Variants in CHD6 observed in about 807,000 individuals in gnomAD.
The protein encoded by CHD6 is ATP-dependent chromatin remodeler CHD6.
A neutral mutation model predicts 276.9 loss-of-function variants in CHD6; 50 were observed. The observed-to-expected ratio is 0.18, with a 90% CI of 0.14 to 0.23. The LOEUF is 0.23. Ranked by LOEUF, CHD6 falls within the 10% of genes least tolerant of loss-of-function variation. CHD6 has a pLI of 1.00. For synonymous variants in CHD6, 1,173 were observed against 1,229.3 expected (o/e 0.95, Z 0.96); for missense variants, 2,564 against 3,365.8 (o/e 0.76, Z 5.89).
intron 1 of CHD6, among the ~76,000 whole-genome samples, chr20:41,574,629 C>T (rs980387131): frequency 6.6e-6 from 1 of 152,080 alleles, no homozygotes; most frequent in African/African-American, 2.4e-5. Flanking sequence ...AAAATGCCAG[C>T]TATCAGTGAG....
At chr20:41,428,368 C>A (rs1426899706) in intron 27 of CHD6, among the ~76,000 whole-genome samples, 1 of 152,184 alleles carries the variant, frequency 6.6e-6, no homozygotes, top group Non-Finnish European at 1.5e-5. Context: ...CCTGAGCATG[C>A]AGAGGCCCTG....
chr20:41,427,746 C>T lies in CHD6; in HGVS notation c.4069-1593G>A, dbSNP rs909742627. Among the ~76,000 whole-genome samples, 3 of 152,190 alleles carry T rather than the reference C, an allele frequency of 2.0e-5. No homozygotes were observed. The East Asian group carries it at 5.8e-4, about 29-fold the overall frequency. ...GTTAATGAAGAGTGAAAACCCAGGG[C>T]TGATCTACTGTACCATTTTGAAGTG... is the stretch of plus-strand genomic sequence containing the variant. On this transcript the variant is annotated intron_variant, in intron 27 of 36. Coordinates refer to ENST00000373233, the MANE Select transcript of CHD6 (RefSeq NM_032221.5).
intron 17 of CHD6, among the ~76,000 whole-genome samples, chr20:41,468,590 G>C (rs2042982901): frequency 6.6e-6 from 1 of 152,228 alleles, no homozygotes; most frequent in Non-Finnish European, 1.5e-5. Context: ...CAGTGATCAA[G>C]AGATAGTCAC....
intron 10 of CHD6, among the ~76,000 whole-genome samples, chr20:41,492,805 T>C (rs1343815609): frequency 2.0e-5 from 3 of 152,192 alleles, no homozygotes; most frequent in Non-Finnish European, 4.4e-5. Flanking sequence ...CTTGTATTCC[T>C]AGCTACTCAG....
chr20:41,422,064 G>T lies in CHD6; in HGVS notation c.4571C>A (p.Thr1524Asn). The T allele has an allele frequency of 6.2e-7, 1 of 1,608,312 alleles. No homozygotes were observed. The highest frequency in any genetic ancestry group is 8.5e-7 in the Non-Finnish European group (1 of 1,175,804). ...TWKDGGPPDT[T>N]IYVEPITEER... ...CTCAGTGATGGGTTCAACGTAGATG[G>T]TGGTATCTGGGGGACCTGGAGAGAA... Residue 1524 changes from threonine to asparagine, a missense_variant, in exon 31 of 37, where the codon ACC (threonine) becomes AAC (asparagine). By Grantham distance (65) the Thr-to-Asn change is moderately conservative. Transcript: ENST00000373233.
rs572447937 is a variant in CHD6 at position 41,432,160 on chromosome 20, C to CAAAAAAAAAAA, written c.4068+5103_4068+5113dup. The stretch of plus-strand genomic sequence containing the variant: ...GGGCAGCAAGAGTAAAACTCCGTCT[C>CAAAAAAAAAAA]AAAAAAAAAAAAAAAAAAAGAAGCG... On this transcript the variant is annotated intron_variant, in intron 27 of 36. Coordinates refer to ENST00000373233, the MANE Select transcript of CHD6 (RefSeq NM_032221.5). Among the ~76,000 whole-genome samples, 148 of 58,848 alleles carry CAAAAAAAAAAA rather than the reference C, an allele frequency of 2.5e-3. 4 individuals are homozygous for CAAAAAAAAAAA. Among genetic ancestry groups the CAAAAAAAAAAA allele is most frequent in the African/African-American group, 3.9e-3 (75 of 19,158 alleles). The allele number at this position is 58,848 out of a possible 152,430, so 38.6% of individuals were successfully genotyped here. A position where few individuals can be genotyped will look rare whatever the true frequency, so the allele number is the denominator to read the frequency against.
chr20:41,519,957 G>A (rs1336749237), intron 3 of CHD6, among the ~76,000 whole-genome samples: 1 of 152,068 alleles, frequency 6.6e-6, no homozygotes, highest in South Asian at 2.1e-4. Flanking sequence ...AATCAGCAAC[G>A]AGCTCAAAAC....
chr20:41,517,605 A>T (rs1345975875), intron 3 of CHD6, among the ~76,000 whole-genome samples: 2 of 152,220 alleles, frequency 1.3e-5, no homozygotes, highest in African/African-American at 4.8e-5. Context: ...CAGGTAAAAC[A>T]GTTTTAAAAG....
intron 4 of CHD6, 55 bp from the exon 5 acceptor site, chr20:41,513,050 A>T: frequency 6.3e-7 from 1 of 1,582,888 alleles, no homozygotes; most frequent in Non-Finnish European, 8.7e-7. Flanking sequence ...ACAACAGCCT[A>T]CACAAGAATA....
intron 28 of CHD6, among the ~76,000 whole-genome samples, chr20:41,425,688 T>C (rs1293351620): frequency 4.6e-5 from 7 of 152,128 alleles, no homozygotes; most frequent in East Asian, 1.9e-4. Flanking sequence ...GAGCAGATCC[T>C]TTGTTGCCTG....
intron 5 of CHD6, among the ~76,000 whole-genome samples, chr20:41,501,720 T>C (rs1446373724): frequency 1.3e-5 from 2 of 152,166 alleles, no homozygotes; most frequent in Non-Finnish European, 2.9e-5. Context: ...ATAAATATTG[T>C]CAATAAATAA....
intron 2 of CHD6, among the ~76,000 whole-genome samples, chr20:41,544,036 T>C (rs922657299): frequency 3.3e-5 from 5 of 152,110 alleles, no homozygotes; most frequent in Non-Finnish European, 5.9e-5. Context: ...GCTCAGAAGT[T>C]TGAGATCAGC....
intron 1 of CHD6, among the ~76,000 whole-genome samples, chr20:41,558,522 C>T (rs1601140867): frequency 6.6e-6 from 1 of 152,168 alleles, no homozygotes; most frequent in African/African-American, 2.4e-5. Context: ...TATAAAAGCT[C>T]CCATTCCTTC....
At chr20:41,579,878 C>T (rs1267193936) in intron 1 of CHD6, among the ~76,000 whole-genome samples, 2 of 152,100 alleles carry the variant, frequency 1.3e-5, no homozygotes, top group Non-Finnish European at 2.9e-5. Context: ...TATTTTTATA[C>T]AATCAAAGAA....
chr20:41,420,281 G>T (rs1283954506), intron 31 of CHD6, among the ~76,000 whole-genome samples: 3 of 152,136 alleles, frequency 2.0e-5, no homozygotes, highest in African/African-American at 7.2e-5. Context: ...TTATATGAGT[G>T]AGGCAGCCAA....
At chr20:41,592,578 T>A (rs1320469689) in intron 1 of CHD6, among the ~76,000 whole-genome samples, 1 of 152,204 alleles carries the variant, frequency 6.6e-6, no homozygotes, top group African/African-American at 2.4e-5. Context: ...GTACACATAT[T>A]CATACAAATA....
intron 1 of CHD6, among the ~76,000 whole-genome samples, chr20:41,608,019 T>C (rs766273804): frequency 2.6e-4 from 40 of 152,182 alleles, no homozygotes; most frequent in Non-Finnish European, 4.6e-4. Context: ...GGAGTCCTAA[T>C]GACCACACGA....
chr20:41,487,921 T>G (rs2043456618), intron 13 of CHD6, 113 bp from the exon 14 acceptor site: 4 of 1,046,956 alleles, frequency 3.8e-6, no homozygotes, highest in Non-Finnish European at 5.6e-6. Context: ...AATTCTGATC[T>G]GCTTTAATGA....
At chr20:41,433,476 A>G (rs1209850439) in intron 27 of CHD6, among the ~76,000 whole-genome samples, 1 of 152,188 alleles carries the variant, frequency 6.6e-6, no homozygotes. Flanking sequence ...GAAAGAAAAA[A>G]ACTATCAACC....
Sources: gnomAD v4.1 joint callset for allele counts (sites outside exome capture counted in the v4.1 genomes callset) on GRCh38, gnomAD v4.1.1 for gene constraint, MANE v1.5 for transcripts, NCBI Gene and HGNC (gene_info 2026-07-23, HGNC 2026-07-21) for gene names.